Variants in CCDC40 observed in about 807,000 individuals in gnomAD.
CCDC40 encodes coiled-coil domain 40 molecular ruler complex subunit, also known as coiled-coil domain-containing protein 40.
CCDC40 carries 104 observed loss-of-function variants against 124.5 expected under a neutral mutation model. That is an observed-to-expected ratio of 0.84 (90% CI 0.71 to 0.98). CCDC40 has a LOEUF of 0.98. CCDC40 is among the 50% of genes least tolerant of loss of function. The probability of loss-of-function intolerance (pLI) is 0.00; values close to 1 mark genes in which losing one functional copy is unlikely to be tolerated. For missense variants in CCDC40, 1,463 were observed against 1,503.9 expected (o/e 0.97, Z 0.45); for synonymous variants, 580 against 602.9 (o/e 0.96, Z 0.56).
intron 17 of CCDC40, chr17:80,090,270 C>A: frequency 2.6e-6 from 3 of 1,147,996 alleles, no homozygotes; most frequent in Non-Finnish European, 3.6e-6. Flanking sequence ...CGCGCGGGCA[C>A]GTGCACGAAC....
intron 10 of CCDC40, 101 bp from the exon 11 acceptor site, chr17:80,081,445 T>C: frequency 2.4e-6 from 3 of 1,234,012 alleles, no homozygotes; most frequent in Non-Finnish European, 3.5e-6. Flanking sequence ...TCTCTGTGCA[T>C]TGAGTTCGCC....
intron 18 of CCDC40, 82 bp from the exon 19 acceptor site, chr17:80,097,163 G>A: frequency 1.4e-6 from 2 of 1,452,830 alleles, no homozygotes; most frequent in Non-Finnish European, 1.9e-6. Context: ...AAGGTGCCTG[G>A]CAGGTCCTCC....
rs1568671567 is a variant in CCDC40, at chr17:80,044,708, A to ATGTGTAT, written c.553-2571_553-2570insTGTGTAT. 5.3e-4 allele frequency among the ~76,000 whole-genome samples: 19 copies of ATGTGTAT among 35,902 alleles called. 2 individuals are homozygous for ATGTGTAT. Among genetic ancestry groups the ATGTGTAT allele is most frequent in the African/African-American group, 1.4e-3 (18 of 13,144 alleles). The allele number at this position is 35,902 out of a possible 152,430, so 23.6% of individuals were successfully genotyped here. On this transcript the variant is annotated intron_variant, in intron 3 of 19. Coordinates refer to ENST00000397545, the MANE Select transcript of CCDC40 (RefSeq NM_017950.4). The stretch of plus-strand genomic sequence containing the variant: ...AAAAACAAAACAAAACAAACAAACA[A>ATGTGTAT]AAAAAAAAATATATATATATATATA...
Position 80,087,681 on chromosome 17 carries a change from A to G in CCDC40, c.2524A>G (p.Lys842Glu). 1 of 1,614,030 alleles carries G rather than the reference A, an allele frequency of 6.2e-7. No homozygotes were observed. Among genetic ancestry groups the G allele is most frequent in the Non-Finnish European group, 8.5e-7 (1 of 1,179,854 alleles). ...GAAGGACCTGGACAACGACCTGAAG[A>G]AGCTCAACATGTTGATGAATAAAAA... ...HMKDLDNDLK[K>E]LNMLMNKNRC... is the part of the protein sequence containing the mutation. The change falls in exon 15 of 20, where the codon AAG (lysine) becomes GAG (glutamate). Residue 842 changes from lysine (K) to glutamate (E), a missense_variant. Physicochemically the swap from Lys to Glu is moderately conservative, Grantham distance 56 (BLOSUM62 1). Coordinates refer to ENST00000397545, the MANE Select transcript of CCDC40 (RefSeq NM_017950.4). The surrounding 1 kb of genome is among the most constrained non-coding windows in gnomAD (Gnocchi z 4.5).
At chr17:80,059,951 A>G (rs2037856236) in intron 9 of CCDC40, among the ~76,000 whole-genome samples, 1 of 152,216 alleles carries the variant, frequency 6.6e-6, no homozygotes, top group Non-Finnish European at 1.5e-5. Flanking sequence ...GTTACTCAGC[A>G]CTGGTCTCTC....
At chr17:80,043,491 ACACACCCCTGCGGCCGGCCTTGGCT>A (rs796670136) in intron 3 of CCDC40, among the ~76,000 whole-genome samples, 15,434 of 96,678 alleles carry the variant, frequency 0.16, 2,553 homozygotes, top group African/African-American at 0.49. Context: ...ATTTATTGGA[ACACACCCCTGCGGCCGGCCTTGGCT>A]CACACCCCTG....
At chr17:80,074,228 C>T (rs368246997) in intron 10 of CCDC40, among the ~76,000 whole-genome samples, 1 of 152,090 alleles carries the variant, frequency 6.6e-6, no homozygotes, top group Non-Finnish European at 1.5e-5. Context: ...TCAAACCTTC[C>T]GGCCGGGCGC....
intron 18 of CCDC40, among the ~76,000 whole-genome samples, chr17:80,096,017 G>T (rs1193443732): frequency 6.6e-6 from 1 of 152,248 alleles, no homozygotes; most frequent in Non-Finnish European, 1.5e-5. Flanking sequence ...CACCTCAACG[G>T]TTGCCAGCCA....
At chr17:80,048,839 T>C in intron 5 of CCDC40, 78 bp downstream of exon 5, 1 of 1,278,762 alleles carries the variant, frequency 7.8e-7, no homozygotes. Context: ...GCCTGCACTG[T>C]CTCCCACTCC....
At chr17:80,089,170 C>T (rs2038649049) in intron 16 of CCDC40, among the ~76,000 whole-genome samples, 1 of 152,212 alleles carries the variant, frequency 6.6e-6, no homozygotes, top group Non-Finnish European at 1.5e-5. Context: ...GAAGTTCCCC[C>T]TTGAAGCACT....
At chr17:80,047,034 C>T (rs562740398) in intron 3 of CCDC40, among the ~76,000 whole-genome samples, 216 of 152,210 alleles carry the variant, frequency 1.4e-3, no homozygotes, top group African/African-American at 4.8e-3. Context: ...CTGGTAGAGA[C>T]GGGGTTTCGC....
Position 80,039,772 on chromosome 17 carries a change from T to A in CCDC40, c.94-40T>A, listed in dbSNP as rs753571822. 1.9e-6 allele frequency: 3 copies of A among 1,607,698 alleles called. No homozygotes were observed. In the African/African-American group the frequency reaches 4.0e-5, roughly 21 times the overall value. ...GAATAAAACCTCACAAGGTCCTTTA[T>A]ACTTTGTTTCCTGATTTTTTTCCTG... is the stretch of plus-strand genomic sequence containing the variant. On this transcript the variant is annotated intron_variant, in intron 2 of 19. Transcript: ENST00000397545.
Position 80,092,654 on chromosome 17 carries a change from G to A in CCDC40, c.2833-2609G>A, listed in dbSNP as rs755806919. ...GAGACAGGGTTTCGCTCTGTCACCC[G>A]GGCTGGAGTGCAGTGGTGCAATCAT... On this transcript the variant is annotated intron_variant, in intron 17 of 19. Transcript: ENST00000397545. 4.6e-5 allele frequency among the ~76,000 whole-genome samples: 7 copies of A among 152,088 alleles called. No individual in the cohort carries two copies. In the South Asian group the frequency reaches 6.2e-4, roughly 14 times the overall value.
Position 80,038,108 on chromosome 17 carries a change from T to A in CCDC40, c.30-15T>A. 6.3e-7 allele frequency: 1 copy of A among 1,589,280 alleles called. No individual in the cohort carries two copies. The highest frequency in any genetic ancestry group is 1.1e-5 in the South Asian group (1 of 90,362). ...GCTGTTGCTTGAAACTGTTCAATTG[T>A]TTCTCTAAAACCAGGTCCCATCCGG... On this transcript the variant is annotated splice_polypyrimidine_tract_variant and intron_variant, in intron 1 of 19. Transcript: ENST00000397545.
chr17:80,095,733 G>A (rs1383014072), intron 18 of CCDC40, among the ~76,000 whole-genome samples: 2 of 152,214 alleles, frequency 1.3e-5, no homozygotes, highest in East Asian at 3.8e-4. Flanking sequence ...CTGCTACGGG[G>A]CCTGTCTGGG....
chr17:80,048,208 C>T (rs1400526490), intron 4 of CCDC40, among the ~76,000 whole-genome samples: 2 of 152,108 alleles, frequency 1.3e-5, no homozygotes, highest in African/African-American at 2.4e-5. Flanking sequence ...TGCAGTGAGC[C>T]GAGATCACGC....
At chr17:80,042,206 C>T (rs548123211) in intron 3 of CCDC40, among the ~76,000 whole-genome samples, 3 of 152,242 alleles carry the variant, frequency 2.0e-5, no homozygotes, top group Admixed American at 2.0e-4. Context: ...GCAACCTCTG[C>T]CTCCCGGGTT....
chr17:80,099,926 G>A lies in CCDC40; in HGVS notation c.*151G>A, dbSNP rs542190367. ...GAGAAATAAGCCAGCCCCACCCATAGGAATCTTTTTAGCCACTCAGCAATT... is the reference window on the plus strand; with the variant it reads ...GAGAAATAAGCCAGCCCCACCCATAAGAATCTTTTTAGCCACTCAGCAATT... On this transcript the variant is annotated 3_prime_UTR_variant, in exon 20 of 20. Coordinates refer to ENST00000397545, the MANE Select transcript of CCDC40 (RefSeq NM_017950.4). The A allele has an allele frequency of 1.3e-4, 102 of 792,580 alleles. 1 individual carries two copies. The highest frequency in any genetic ancestry group is 1.1e-3 in the African/African-American group (60 of 56,964). 49.1% of individuals were successfully genotyped at this position (792,580 alleles called of 1,614,324 possible).
At chr17:80,084,193 TAAAGG>T (rs142819274) in intron 12 of CCDC40, among the ~76,000 whole-genome samples, 19,596 of 152,134 alleles carry the variant, frequency 0.13, 1,362 homozygotes, top group East Asian at 0.22. Context: ...GGATAACTGA[TAAAGG>T]AAAGAGGTTT....
Sources: gnomAD v4.1 joint callset for allele counts (sites outside exome capture counted in the v4.1 genomes callset) on GRCh38, gnomAD v4.1.1 for gene constraint, Gnocchi (gnomAD v3.1) non-coding constraint, MANE v1.5 for transcripts, NCBI Gene and HGNC (gene_info 2026-07-23, HGNC 2026-07-21) for gene names.